The following ATP6V1E2 variants were observed in gnomAD, a reference collection of about 807,000 sequenced individuals.
The protein encoded by ATP6V1E2 is ATPase H+ transporting V1 subunit E2.
For missense variants in ATP6V1E2, 308 were observed against 273.3 expected, an observed-to-expected ratio of 1.13 and a Z score of -0.90; for synonymous variants, 121 against 104.2, an observed-to-expected ratio of 1.16 and a Z score of -0.98.
At chr2:46,514,129 A>C (rs889181502) in intron 4 of ATP6V1E2, among the ~76,000 whole-genome samples, 1 of 151,660 alleles carries the variant, frequency 6.6e-6, no homozygotes, top group Non-Finnish European at 1.5e-5. Context: ...AAAATAAAAA[A>C]ATTAGCTGGG....
chr2:46,515,152 A>C (rs1419425960), intron 4 of ATP6V1E2, among the ~76,000 whole-genome samples: 4 of 152,230 alleles, frequency 2.6e-5, no homozygotes, highest in Admixed American at 2.6e-4. Context: ...TTCTATTTGA[A>C]ACAGAAGGCC....
At position 46,512,533 on chromosome 2, in the gene ATP6V1E2, T is replaced by A; in HGVS notation, c.179A>T (p.Lys60Met). The change falls in exon 5 of 5, where the codon AAG becomes ATG. Residue 60 changes from lysine to methionine, a missense_variant. Coordinates refer to ENST00000522587, the MANE Select transcript of ATP6V1E2 (RefSeq NM_001318063.2). The part of the protein sequence containing the change: ...RLKIMEYYEK[K>M]EKQIEQQKKI... ...CTTCTGCTGCTCTATCTGCTTCTCCTTTTTCTCATAATACTCCATAATCTT... is the reference window on the plus strand; with the variant it reads ...CTTCTGCTGCTCTATCTGCTTCTCCATTTTCTCATAATACTCCATAATCTT... 3 of 1,614,166 alleles carry A rather than the reference T, an allele frequency of 1.9e-6. No individual in the cohort carries two copies. The highest frequency in any genetic ancestry group is 1.6e-4 in the Middle Eastern group (1 of 6,062).
In ATP6V1E2 at chr2:46,527,234, A is replaced by T. The variant is rs530114093; in HGVS notation, c.-102+8579T>A. ...GTGTCTAATTTTTATTTATTTATTT[A>T]TTTTTGAGACAGAGTCTCACTCTGT... On this transcript the variant is annotated intron_variant, in intron 4 of 4. Transcript: ENST00000522587. 4.0e-5 allele frequency among the ~76,000 whole-genome samples: 6 copies of T among 151,226 alleles called. No homozygotes were observed. The East Asian group carries it at 1.2e-3, about 30-fold the overall frequency.
intron 2 of ATP6V1E2, chr2:46,537,438 T>C (rs1488462695): frequency 5.3e-5 from 8 of 152,214 alleles, no homozygotes; most frequent in African/African-American, 1.9e-4. Flanking sequence ...CTTTGTTCAA[T>C]GAGTGGGTCA....
intron 4 of ATP6V1E2, among the ~76,000 whole-genome samples, chr2:46,534,104 C>A (rs1018678520): frequency 6.6e-6 from 1 of 152,150 alleles, no homozygotes; most frequent in Non-Finnish European, 1.5e-5. Flanking sequence ...TGGCGCTATA[C>A]GTTTACAATT....
At chr2:46,533,753 G>C (rs1294700080) in intron 4 of ATP6V1E2, among the ~76,000 whole-genome samples, 1 of 151,708 alleles carries the variant, frequency 6.6e-6, no homozygotes, top group Non-Finnish European at 1.5e-5. Flanking sequence ...AGATCTTCTG[G>C]TTTAAAAAAA....
chr2:46,522,554 C>T (rs1666694631), intron 4 of ATP6V1E2, among the ~76,000 whole-genome samples: 1 of 152,176 alleles, frequency 6.6e-6, no homozygotes, highest in South Asian at 2.1e-4. Context: ...ATCCATGCCC[C>T]TGTAAAGGAT....
chr2:46,533,072 A>G (rs1667257601), intron 4 of ATP6V1E2, among the ~76,000 whole-genome samples: 1 of 148,686 alleles, frequency 6.7e-6, no homozygotes, highest in Admixed American at 6.7e-5. Context: ...TATTTTTTTA[A>G]TTATATATAT....
intron 2 of ATP6V1E2, among the ~76,000 whole-genome samples, chr2:46,540,399 C>T (rs1363682979): frequency 3.7e-5 from 5 of 136,034 alleles, no homozygotes; most frequent in South Asian, 2.2e-4. Context: ...CCAGCCTGAG[C>T]GACAGAGTGA....
chr2:46,526,467 C>T (rs1260441320), intron 4 of ATP6V1E2, among the ~76,000 whole-genome samples: 1 of 152,176 alleles, frequency 6.6e-6, no homozygotes, highest in Non-Finnish European at 1.5e-5. Context: ...GGTTTTGCAA[C>T]TATCACCACC....
chr2:46,517,835 G>GAAGAA (rs910058367), intron 4 of ATP6V1E2, among the ~76,000 whole-genome samples: 1 of 152,126 alleles, frequency 6.6e-6, no homozygotes, highest in African/African-American at 2.4e-5. Context: ...TTTAAAAAAA[G>GAAGAA]AAGAAAGAAA....
In ATP6V1E2 at chr2:46,512,122, T is replaced by C; in HGVS notation, c.590A>G (p.Glu197Gly). The change falls in exon 5 of 5, where the codon GAA becomes GGA. Residue 197 changes from glutamate to glycine, a missense_variant. Coordinates refer to ENST00000522587, the MANE Select transcript of ATP6V1E2 (RefSeq NM_001318063.2). The stretch of plus-strand genomic sequence containing the variant: ...CTTGGCTGAGAGATCCAGTCGGCTT[T>C]CCAAGGTATTTGAAACCTTTATTCT... ...NQRIKVSNTL[E>G]SRLDLSAKQK... 1 of 1,614,188 alleles carries C rather than the reference T, an allele frequency of 6.2e-7. No homozygotes were observed. The highest frequency in any genetic ancestry group is 8.5e-7 in the Non-Finnish European group (1 of 1,180,046).
At position 46,512,039 on chromosome 2, in the gene ATP6V1E2, A is replaced by G. The variant is rs747177609; in HGVS notation, c.673T>C (p.Phe225Leu). 7 of 1,589,264 alleles carry G rather than the reference A, an allele frequency of 4.4e-6. No homozygotes were observed. The highest frequency in any genetic ancestry group is 1.2e-5 in the South Asian group (1 of 86,356). The part of the protein sequence containing the change: ...LFGANTNRKF[F>L]I ...CTTCACTTCCCAGAGGCTTATATAA[A>G]GAACTTTCTGTTGGTGTTAGCACCA... Residue 225 changes from phenylalanine to leucine, a missense_variant, in exon 5 of 5, where the codon TTT becomes CTT. Physicochemically the swap from Phe to Leu is conservative, Grantham distance 22 (BLOSUM62 0). Coordinates refer to ENST00000522587, the MANE Select transcript of ATP6V1E2 (RefSeq NM_001318063.2).
chr2:46,533,655 C>T (rs894514018), intron 4 of ATP6V1E2, among the ~76,000 whole-genome samples: 9 of 152,048 alleles, frequency 5.9e-5, no homozygotes, highest in African/African-American at 2.2e-4. Context: ...ATTTCTGGTG[C>T]TCTTCATTTC....
chr2:46,529,179 C>T (rs1237534235), intron 4 of ATP6V1E2, among the ~76,000 whole-genome samples: 2 of 152,242 alleles, frequency 1.3e-5, no homozygotes, highest in Non-Finnish European at 2.9e-5. Context: ...GTCTACTAGT[C>T]CTCAGCCTTG....
chr2:46,521,350 T>G (rs1255476753), intron 4 of ATP6V1E2, among the ~76,000 whole-genome samples: 1 of 152,150 alleles, frequency 6.6e-6, no homozygotes, highest in East Asian at 1.9e-4. Flanking sequence ...GAGTTCTTGG[T>G]GGGCAAAATA....
chr2:46,518,788 G>A (rs1372248430), intron 4 of ATP6V1E2, among the ~76,000 whole-genome samples: 1 of 60,790 alleles, frequency 1.6e-5, no homozygotes, highest in Non-Finnish European at 3.5e-5. Context: ...GTGTGTGTGT[G>A]TGTGTGTGTG....
rs755860941 is a variant in ATP6V1E2 at position 46,512,455 on chromosome 2, G to A, written c.257C>T (p.Ala86Val). 1.2e-6 allele frequency: 2 copies of A among 1,614,112 alleles called. No homozygotes were observed. The highest frequency in any genetic ancestry group is 8.5e-7 in the Non-Finnish European group (1 of 1,180,030). The change falls in exon 5 of 5, where the codon GCC becomes GTC. Residue 86 changes from alanine to valine, a missense_variant. Ala to Val is a moderately conservative substitution (Grantham distance 64). Transcript: ENST00000522587. ...CAAATCTGAGATGAGGTCATTTCGGGCTCTCAGGACTTTCAGCCTCGCCTG... is the reference window on the plus strand; with the variant it reads ...CAAATCTGAGATGAGGTCATTTCGGACTCTCAGGACTTTCAGCCTCGCCTG... ...RNQARLKVLR[A>V]RNDLISDLLS... is the part of the protein sequence containing the mutation.
At chr2:46,519,273 C>G (rs78651344) in intron 4 of ATP6V1E2, 2,717 of 152,294 alleles carry the variant, frequency 0.018, 83 homozygotes, top group African/African-American at 0.06. Context: ...GCATGGTGAC[C>G]CAGGCAGCCA....
Sources: allele counts gnomAD v4.1 joint callset (sites outside exome capture counted in the v4.1 genomes callset), GRCh38; gene constraint gnomAD v4.1.1; transcripts MANE v1.5; gene names NCBI Gene and HGNC (gene_info 2026-07-23, HGNC 2026-07-21).